The following SCCPDH variants were observed in gnomAD, a reference collection of about 807,000 sequenced individuals.
SCCPDH encodes saccharopine dehydrogenase-like oxidoreductase.
SCCPDH carries 34 observed loss-of-function variants against 51.5 expected under a neutral mutation model. That is an observed-to-expected ratio of 0.66 (90% CI 0.50 to 0.88). The LOEUF (loss-of-function observed/expected upper bound fraction) is 0.88. SCCPDH is among the 40% of genes least tolerant of loss of function. The pLI is 0.00. For missense variants in SCCPDH, 464 were observed against 527.1 expected, an observed-to-expected ratio of 0.88 and a Z score of 1.17; for synonymous variants, 187 against 191.3, an observed-to-expected ratio of 0.98 and a Z score of 0.19.
intron 5 of SCCPDH, among the ~76,000 whole-genome samples, chr1:246,750,172 G>A (rs553011734): frequency 3.0e-4 from 46 of 152,286 alleles, no homozygotes; most frequent in African/African-American, 9.9e-4. Context: ...GCGGGTTCGA[G>A]TTTTCCTTCC....
In SCCPDH at chr1:246,767,049, G is replaced by A. The variant is rs1417535792; in HGVS notation, c.1185-146G>A. On this transcript the variant is annotated intron_variant, in intron 11 of 11. Coordinates refer to ENST00000366510, the MANE Select transcript of SCCPDH (RefSeq NM_016002.3). ...CTAATAGCTACTTGCTCATTTGGCT[G>A]ATTTTAGGAAGGAATCAAAGGTAGC... 7 of 523,622 alleles carry A rather than the reference G, an allele frequency of 1.3e-5. No homozygotes were observed. The African/African-American group carries it at 1.4e-4, about 10-fold the overall frequency. 32.4% of individuals were successfully genotyped at this position (523,622 alleles called of 1,614,324 possible). A position where few individuals can be genotyped will look rare whatever the true frequency, so the allele number is the denominator to read the frequency against.
rs200858297 is a variant in SCCPDH at position 246,764,242 on chromosome 1, A to G, written c.991-4A>G. ...AAATGCGCCCTTTGCCTTCTCCTTC[A>G]CAGATTGATGCTGCCTCATTCACGC... On this transcript the variant is annotated splice_region_variant and splice_polypyrimidine_tract_variant and intron_variant, in intron 9 of 11. Coordinates refer to ENST00000366510, the MANE Select transcript of SCCPDH (RefSeq NM_016002.3). 3.1e-6 allele frequency: 5 copies of G among 1,603,076 alleles called. No homozygotes were observed. The African/African-American group carries it at 6.7e-5, about 21-fold the overall frequency.
chr1:246,730,171 C>T (rs140631099), intron 2 of SCCPDH, among the ~76,000 whole-genome samples: 16 of 152,274 alleles, frequency 1.1e-4, no homozygotes, highest in East Asian at 1.9e-4. Context: ...CTATCTTAAA[C>T]GCCTCCTATT....
chr1:246,728,275 T>G (rs1668433020), intron 2 of SCCPDH, among the ~76,000 whole-genome samples: 1 of 152,248 alleles, frequency 6.6e-6, no homozygotes, highest in Non-Finnish European at 1.5e-5. Context: ...GTTTTTGAAT[T>G]GCTATTAAAT....
intron 1 of SCCPDH, 125 bp from the exon 2 acceptor site, chr1:246,726,767 G>A: frequency 1.5e-6 from 1 of 654,516 alleles, no homozygotes; most frequent in South Asian, 2.0e-5. Context: ...GTCTAAGCAG[G>A]AGAGCTAGCT....
At chr1:246,765,600 T>C (rs1263388212) in intron 10 of SCCPDH, among the ~76,000 whole-genome samples, 1 of 152,226 alleles carries the variant, frequency 6.6e-6, no homozygotes, top group East Asian at 1.9e-4. Flanking sequence ...TTGTTGTTTT[T>C]AAGTGAAGTG....
chr1:246,741,929 C>T (rs147011376), intron 4 of SCCPDH, among the ~76,000 whole-genome samples: 1,739 of 152,174 alleles, frequency 0.011, 25 homozygotes, highest in African/African-American at 0.039. Context: ...ATTAGCTGGT[C>T]GTGGTGATGT....
At chr1:246,731,910 G>A (rs1668498070) in intron 2 of SCCPDH, among the ~76,000 whole-genome samples, 1 of 142,970 alleles carries the variant, frequency 7.0e-6, no homozygotes, top group South Asian at 2.2e-4. Flanking sequence ...TCCCCACCCT[G>A]TGTCCAAGTG....
chr1:246,760,342 A>C, intron 9 of SCCPDH, 115 bp downstream of exon 9: 1 of 843,998 alleles, frequency 1.2e-6, no homozygotes, highest in Non-Finnish European at 1.8e-6. Context: ...TCTTTATGTA[A>C]ATTAGATTAT....
intron 10 of SCCPDH, 30 bp downstream of exon 10, chr1:246,764,387 G>A: frequency 7.9e-7 from 1 of 1,273,074 alleles, no homozygotes; most frequent in Non-Finnish European, 1.1e-6. Context: ...AGAATGCTTG[G>A]GAATTTTATA....
chr1:246,766,198 AT>A, intron 11 of SCCPDH, 59 bp downstream of exon 11: 1 of 1,233,842 alleles, frequency 8.1e-7, no homozygotes, highest in East Asian at 2.3e-5. Flanking sequence ...ATTTTAGCTT[AT>A]TTTGATTTGA....
At chr1:246,756,392 C>G (rs80166300) in intron 5 of SCCPDH, among the ~76,000 whole-genome samples, 314 of 152,276 alleles carry the variant, frequency 2.1e-3, no homozygotes, top group Non-Finnish European at 3.0e-3. Context: ...ACCTGTAGTT[C>G]TTGACCTGGA....
chr1:246,754,675 G>A (rs955560367), intron 5 of SCCPDH, among the ~76,000 whole-genome samples: 6 of 152,176 alleles, frequency 3.9e-5, no homozygotes, highest in African/African-American at 9.7e-5. Flanking sequence ...TGAGAGGGTC[G>A]TGATCCACTG....
chr1:246,761,412 TA>T (rs1381580185), intron 9 of SCCPDH, among the ~76,000 whole-genome samples: 2 of 152,180 alleles, frequency 1.3e-5, no homozygotes, highest in African/African-American at 4.8e-5. Flanking sequence ...ACACAAAACA[TA>T]AAATGTACCA....
intron 5 of SCCPDH, among the ~76,000 whole-genome samples, chr1:246,746,855 G>A (rs1668768896): frequency 6.6e-6 from 1 of 152,180 alleles, no homozygotes; most frequent in Non-Finnish European, 1.5e-5. Context: ...ATAAAAATAA[G>A]TGATAGTGGG....
At chr1:246,729,098 G>T (rs1668446136) in intron 2 of SCCPDH, among the ~76,000 whole-genome samples, 1 of 152,050 alleles carries the variant, frequency 6.6e-6, no homozygotes, top group South Asian at 2.1e-4. Flanking sequence ...ATAGGGAGTG[G>T]GTCACAGAGA....
At chr1:246,740,356 C>T in intron 4 of SCCPDH, 55 bp downstream of exon 4, 1 of 1,420,736 alleles carries the variant, frequency 7.0e-7, no homozygotes, top group Non-Finnish European at 9.5e-7. Flanking sequence ...GCAAAGGCTT[C>T]ATGTTTCTAA....
chr1:246,759,056 G>A lies in SCCPDH; in HGVS notation c.718G>A (p.Glu240Lys), dbSNP rs1016438781. 1 of 1,607,506 alleles carries A rather than the reference G, an allele frequency of 6.2e-7. No homozygotes were observed. The highest frequency in any genetic ancestry group is 8.5e-7 in the Non-Finnish European group (1 of 1,174,040). The change falls in exon 7 of 12, where the codon GAA becomes AAA. Residue 240 changes from glutamate to lysine, a missense_variant. Transcript: ENST00000366510. ...KRRWPISYCR[E>K]LKGYSIPFMG... The stretch of plus-strand genomic sequence containing the variant: ...CAGGTGGCCAATTTCTTATTGTCGG[G>A]AACTCAAAGGTTATTCCATTCCTTT...
At chr1:246,767,082 A>G (rs1156693730) in intron 11 of SCCPDH, 113 bp from the exon 12 acceptor site, 6 of 599,782 alleles carry the variant, frequency 1.0e-5, no homozygotes, top group Admixed American at 3.7e-5. Context: ...AGCCGTGATT[A>G]CCATGAAGAC....
Sources: gnomAD v4.1 joint callset for allele counts (sites outside exome capture counted in the v4.1 genomes callset) on GRCh38, gnomAD v4.1.1 for gene constraint, MANE v1.5 for transcripts, NCBI Gene and HGNC (gene_info 2026-07-23, HGNC 2026-07-21) for gene names.